Variants in BANP observed in about 807,000 individuals in gnomAD.
BANP encodes the protein protein BANP.
In BANP, 11 loss-of-function variants were observed where a neutral mutation model predicts 68.1. The ratio of observed to expected loss-of-function variants is 0.16; its 90% CI spans 0.10 to 0.27. The LOEUF is 0.27. Ranked by LOEUF, BANP falls within the 10% of genes least tolerant of loss-of-function variation. The pLI is 1.00. For synonymous variants in BANP, 329 were observed against 303.2 expected, an observed-to-expected ratio of 1.09 and a Z score of -0.88; for missense variants, 504 against 722.7, an observed-to-expected ratio of 0.70 and a Z score of 3.47.
intron 2 of BANP, among the ~76,000 whole-genome samples, chr16:87,980,211 A>G (rs1598044735): frequency 1.3e-5 from 2 of 152,234 alleles, no homozygotes; most frequent in South Asian, 4.1e-4. Context: ...GTTGACCTTG[A>G]ACTTCTATCT....
intron 2 of BANP, among the ~76,000 whole-genome samples, chr16:87,976,885 T>A (rs551758836): frequency 1.1e-4 from 17 of 152,346 alleles, no homozygotes; most frequent in African/African-American, 4.1e-4. Context: ...AGAAGGCAAA[T>A]GACAGTTTCT....
chr16:88,040,441 G>A (rs990372419), intron 11 of BANP, among the ~76,000 whole-genome samples: 3 of 152,084 alleles, frequency 2.0e-5, no homozygotes, highest in South Asian at 2.1e-4. Flanking sequence ...CAGTGCGGGG[G>A]TCACATAGCC....
intron 7 of BANP, among the ~76,000 whole-genome samples, chr16:88,023,577 G>T (rs2076411858): frequency 6.6e-6 from 1 of 152,170 alleles, no homozygotes; most frequent in African/African-American, 2.4e-5. Context: ...TGTGTTAGCA[G>T]GTGGGGCTCT....
Position 88,036,047 on chromosome 16 carries a change from T to C in BANP, c.1272+653T>C, listed in dbSNP as rs2079265037. Among the ~76,000 whole-genome samples, 1 of 152,254 alleles carries C rather than the reference T, an allele frequency of 6.6e-6. No homozygotes were observed. The highest frequency in any genetic ancestry group is 6.5e-5 in the Admixed American group (1 of 15,292). Reference sequence around the variant, plus strand: ...GAAAGCCGAGGCCAGCCTGTTGCGATGCTCCATGTTTGCATGCCAGAGCAG... The same window carrying C: ...GAAAGCCGAGGCCAGCCTGTTGCGACGCTCCATGTTTGCATGCCAGAGCAG... On this transcript the variant is annotated intron_variant, in intron 10 of 13. Coordinates refer to ENST00000682872, the MANE Select transcript of BANP (RefSeq NM_001386991.1). The surrounding 1 kb of genome is among the most constrained non-coding windows in gnomAD (Gnocchi z 4.2).
intron 7 of BANP, among the ~76,000 whole-genome samples, chr16:88,024,216 A>ATG (rs879888726): frequency 2.0e-5 from 3 of 152,164 alleles, no homozygotes; most frequent in Non-Finnish European, 2.9e-5. Context: ...ATGGGTTCTC[A>ATG]GGATCCAGTG....
chr16:87,996,750 T>C (rs1183526437), intron 4 of BANP, among the ~76,000 whole-genome samples: 1 of 152,240 alleles, frequency 6.6e-6, no homozygotes, highest in Non-Finnish European at 1.5e-5. Context: ...CCCTGTGTCG[T>C]TGTCTGCACT....
Position 87,975,133 on chromosome 16 carries a change from C to A in BANP, c.18C>A (p.Asp6Glu). The A allele has an allele frequency of 6.2e-7, 1 of 1,614,150 alleles. No homozygotes were observed. Among genetic ancestry groups the A allele is most frequent in the East Asian group, 2.2e-5 (1 of 44,886 alleles). The stretch of plus-strand genomic sequence containing the variant: ...TGCTCTGGATGATGTCGGAACACGA[C>A]CTGGCCGATGTGGTTCAGATTGCAG... The part of the protein sequence containing the change: MMSEH[D>E]LADVVQIAVE... The change falls in exon 2 of 14, where the codon GAC (aspartate) becomes GAA (glutamate). Residue 6 changes from aspartate (D) to glutamate (E), a missense_variant. Coordinates refer to ENST00000682872, the MANE Select transcript of BANP (RefSeq NM_001386991.1).
chr16:88,037,884 C>T, intron 10 of BANP, 89 bp from the exon 11 acceptor site: 2 of 1,300,672 alleles, frequency 1.5e-6, no homozygotes, highest in South Asian at 1.2e-5. Flanking sequence ...TCTCAAGTGG[C>T]CTGTGATGTG....
At chr16:87,982,608 G>C (rs1447207681) in intron 3 of BANP, 1 of 152,196 alleles carries the variant, frequency 6.6e-6, no homozygotes, top group African/African-American at 2.4e-5. Flanking sequence ...CTGACGCCGT[G>C]GCTCCTTCCC....
chr16:88,052,159 A>C (rs2083405875), intron 11 of BANP, among the ~76,000 whole-genome samples: 1 of 152,202 alleles, frequency 6.6e-6, no homozygotes, highest in Non-Finnish European at 1.5e-5. Context: ...TTACTAAAGA[A>C]AATCAAAACA....
rs73252339 is a variant in BANP at position 88,061,981 on chromosome 16, T to G, written c.1312-3286T>G. On this transcript the variant is annotated intron_variant, in intron 11 of 13. Coordinates refer to ENST00000682872, the MANE Select transcript of BANP (RefSeq NM_001386991.1). ...GCCTGAGCACCTCATTTTTCTAGTA[T>G]GAGGAAGCTTCTTTGAAGTGAACAT... 5.8e-3 allele frequency among the ~76,000 whole-genome samples: 885 copies of G among 152,296 alleles called. 11 individuals carry two copies. Among genetic ancestry groups the G allele is most frequent in the African/African-American group, 0.02 (836 of 41,544 alleles).
chr16:88,073,387 C>G (rs779394546), intron 13 of BANP, among the ~76,000 whole-genome samples: 40 of 151,990 alleles, frequency 2.6e-4, no homozygotes, highest in Non-Finnish European at 4.6e-4. Context: ...GGCACGGTGG[C>G]CCCTGCAGAG....
rs559528513 is a variant in BANP, at chr16:87,991,013, C to T, written c.362+6754C>T. ...TCCTGACCTCATGATCTGCCTGCCT[C>T]GGCCTCCCAAAGTATTGGGATTACA... On this transcript the variant is annotated intron_variant, in intron 4 of 13. Coordinates refer to ENST00000682872, the MANE Select transcript of BANP (RefSeq NM_001386991.1). Among the ~76,000 whole-genome samples the T allele has an allele frequency of 7.2e-5, 11 of 152,302 alleles. No individual in the cohort carries two copies. In the East Asian group the frequency reaches 9.6e-4, roughly 13 times the overall value.
chr16:87,980,727 G>A (rs1205108169), intron 2 of BANP: 34 of 279,248 alleles, frequency 1.2e-4, no homozygotes, highest in East Asian at 1.6e-4. Context: ...GGGTTTTATC[G>A]TGGGTTTTCT....
At chr16:87,996,545 C>A (rs1227079348) in intron 4 of BANP, among the ~76,000 whole-genome samples, 2 of 135,896 alleles carry the variant, frequency 1.5e-5, no homozygotes, top group Non-Finnish European at 3.2e-5. Flanking sequence ...GTCCCTGGTC[C>A]TGGGCGCCGG....
rs1038972887 is a variant in BANP at position 88,045,565 on chromosome 16, G to C, written c.1311+7554G>C. ...ATGCTGGACTCCCTCGTTCATTCCC[G>C]GCAGAGAAGCGCTCCCCTCACTCCC... is the stretch of plus-strand genomic sequence containing the variant. On this transcript the variant is annotated intron_variant, in intron 11 of 13. Coordinates refer to ENST00000682872, the MANE Select transcript of BANP (RefSeq NM_001386991.1). Among the ~76,000 whole-genome samples the C allele has an allele frequency of 7.0e-4, 107 of 152,228 alleles. 1 individual carries two copies. Among genetic ancestry groups the C allele is most frequent in the African/African-American group, 2.5e-3 (105 of 41,546 alleles).
chr16:87,951,115 A>C (rs2056765459), upstream of BANP, among the ~76,000 whole-genome samples: 1 of 152,170 alleles, frequency 6.6e-6, no homozygotes, highest in Non-Finnish European at 1.5e-5. Flanking sequence ...GCACCCTGGG[A>C]GGTGTAGTAG....
intron 6 of BANP, among the ~76,000 whole-genome samples, chr16:88,007,608 G>A (rs1298945824): frequency 6.6e-6 from 1 of 152,234 alleles, no homozygotes; most frequent in Non-Finnish European, 1.5e-5. Context: ...TGTAAAGCAT[G>A]TGTTTTCCTT....
chr16:88,025,444 G>A (rs550950819), intron 7 of BANP, among the ~76,000 whole-genome samples: 25 of 152,318 alleles, frequency 1.6e-4, no homozygotes, highest in African/African-American at 5.3e-4. Flanking sequence ...GAGATGACCC[G>A]AAAATTGGAA....
Sources: allele counts gnomAD v4.1 joint callset (sites outside exome capture counted in the v4.1 genomes callset), GRCh38; gene constraint gnomAD v4.1.1; non-coding constraint Gnocchi (gnomAD v3.1); transcripts MANE v1.5; gene names NCBI Gene and HGNC (gene_info 2026-07-23, HGNC 2026-07-21).